The following SULF1 variants were observed in gnomAD, a reference collection of about 807,000 sequenced individuals.
SULF1 encodes the protein extracellular sulfatase Sulf-1.
In SULF1, 46 loss-of-function variants were observed where a neutral mutation model predicts 110.5. That is an observed-to-expected ratio of 0.42 (90% CI 0.33 to 0.53). The LOEUF (loss-of-function observed/expected upper bound fraction) is 0.53. Among genes scored for constraint, SULF1 ranks in the 20% least tolerant of loss-of-function variants. The probability of loss-of-function intolerance (pLI) is 0.12; values close to 1 mark genes in which losing one functional copy is unlikely to be tolerated. For synonymous variants in SULF1, 371 were observed against 387.1 expected (o/e 0.96, Z 0.49); for missense variants, 941 against 1,094.2 (o/e 0.86, Z 1.98).
chr8:69,578,528 C>G (rs1026276898), intron 6 of SULF1, among the ~76,000 whole-genome samples: 2 of 120,678 alleles, frequency 1.7e-5, no homozygotes, highest in Admixed American at 2.2e-4. Flanking sequence ...AACTGACTGA[C>G]GTTCCAATGG....
At chr8:69,535,791 G>A (rs1345113443) in intron 3 of SULF1, among the ~76,000 whole-genome samples, 1 of 152,116 alleles carries the variant, frequency 6.6e-6, no homozygotes, top group African/African-American at 2.4e-5. Context: ...CAGCACTTTG[G>A]GAAGCCGAGG....
At chr8:69,607,554 G>A (rs1403295969) in intron 13 of SULF1, among the ~76,000 whole-genome samples, 1 of 152,068 alleles carries the variant, frequency 6.6e-6, no homozygotes, top group Non-Finnish European at 1.5e-5. Flanking sequence ...TTTAGAGATG[G>A]GGTTTTGCCA....
At position 69,566,069 on chromosome 8, in the gene SULF1, C is replaced by T. The variant is rs73683978; in HGVS notation, c.172+1922C>T. ...AACTTTCCTTTGCACCCCGAGAACA[C>T]GACTCCAGCATGGTGCTCATTCCAC... On this transcript the variant is annotated intron_variant, in intron 5 of 22. Transcript: ENST00000402687. Among the ~76,000 whole-genome samples, 913 of 152,150 alleles carry T rather than the reference C, an allele frequency of 6.0e-3. 10 individuals are homozygous for T. The highest frequency in any genetic ancestry group is 0.02 in the African/African-American group (850 of 41,516).
chr8:69,568,369 A>G (rs532068458), intron 5 of SULF1, among the ~76,000 whole-genome samples: 87 of 152,350 alleles, frequency 5.7e-4, no homozygotes, highest in Middle Eastern at 3.4e-3. Flanking sequence ...GGAGGAAAGT[A>G]CTAGTTCATT....
chr8:69,477,014 G>A (rs149543565), intron 1 of SULF1, among the ~76,000 whole-genome samples: 38 of 152,282 alleles, frequency 2.5e-4, no homozygotes, highest in Admixed American at 5.9e-4. Flanking sequence ...TGAAACATGA[G>A]TTGATATTTC....
chr8:69,536,882 G>C (rs190533063), intron 3 of SULF1, among the ~76,000 whole-genome samples: 1 of 152,254 alleles, frequency 6.6e-6, no homozygotes, highest in Admixed American at 6.5e-5. Context: ...GGCCCTCCCA[G>C]GGAGGAAGGG....
At chr8:69,614,736 G>A (rs1321859219) in intron 13 of SULF1, among the ~76,000 whole-genome samples, 1 of 152,288 alleles carries the variant, frequency 6.6e-6, no homozygotes, top group Non-Finnish European at 1.5e-5. Flanking sequence ...TCAGGAATAT[G>A]AGACATGGCC....
chr8:69,503,892 T>A (rs563478471), intron 3 of SULF1, among the ~76,000 whole-genome samples: 1 of 151,956 alleles, frequency 6.6e-6, no homozygotes, highest in Non-Finnish European at 1.5e-5. Flanking sequence ...CTCCGACCCC[T>A]GAGTTCAAGC....
At chr8:69,607,720 G>T (rs1808329361) in intron 13 of SULF1, among the ~76,000 whole-genome samples, 1 of 152,042 alleles carries the variant, frequency 6.6e-6, no homozygotes, top group Non-Finnish European at 1.5e-5. Context: ...TTTCTTTCTG[G>T]CTACTTTGAA....
chr8:69,624,362 C>T (rs748256434), intron 15 of SULF1, among the ~76,000 whole-genome samples, 165 bp downstream of exon 15: 15 of 152,178 alleles, frequency 9.9e-5, no homozygotes, highest in Non-Finnish European at 1.5e-4. Flanking sequence ...AATGAGTCCA[C>T]GCAATCATAG....
At chr8:69,624,747 A>G (rs1809866054) in intron 15 of SULF1, among the ~76,000 whole-genome samples, 1 of 152,206 alleles carries the variant, frequency 6.6e-6, no homozygotes, top group Admixed American at 6.5e-5. Context: ...CCAGTCCCGG[A>G]TCACAGAGAG....
intron 3 of SULF1, among the ~76,000 whole-genome samples, chr8:69,508,998 T>C (rs1389184023): frequency 6.6e-6 from 1 of 152,220 alleles, no homozygotes; most frequent in Non-Finnish European, 1.5e-5. Flanking sequence ...AGATATCGGC[T>C]CTGGTTTTAG....
chr8:69,502,160 G>T (rs945252053), intron 3 of SULF1, among the ~76,000 whole-genome samples, 192 bp downstream of exon 3: 29 of 152,104 alleles, frequency 1.9e-4, no homozygotes, highest in African/African-American at 6.8e-4. Context: ...CCTTCCACGT[G>T]GTAGAGCCAT....
intron 3 of SULF1, among the ~76,000 whole-genome samples, chr8:69,516,716 A>G (rs2150601768): frequency 6.6e-6 from 1 of 152,346 alleles, no homozygotes; most frequent in African/African-American, 2.4e-5. Flanking sequence ...GTTGATACAG[A>G]TGTTTCTAAA....
intron 3 of SULF1, among the ~76,000 whole-genome samples, chr8:69,510,623 T>G (rs76743953): frequency 2.9e-4 from 36 of 124,766 alleles, no homozygotes; most frequent in African/African-American, 5.6e-4. Context: ...TTTTTTTGTT[T>G]TTTTTTTTTT....
intron 13 of SULF1, among the ~76,000 whole-genome samples, chr8:69,615,960 T>A (rs1809069946): frequency 6.6e-6 from 1 of 152,018 alleles, no homozygotes; most frequent in South Asian, 2.1e-4. Flanking sequence ...TTCACTATAG[T>A]CATGTGCTTT....
At chr8:69,470,795 G>A (rs909552043) in intron 1 of SULF1, among the ~76,000 whole-genome samples, 3 of 152,048 alleles carry the variant, frequency 2.0e-5, no homozygotes, top group Admixed American at 6.6e-5. Context: ...TATTTGGCCC[G>A]AACTTTCCAA....
In SULF1 at chr8:69,605,804, C is replaced by T. The variant is rs549459236; in HGVS notation, c.1377+872C>T. On this transcript the variant is annotated intron_variant, in intron 13 of 22. Coordinates refer to ENST00000402687, the MANE Select transcript of SULF1 (RefSeq NM_001128205.2). ...CATTTGTCTTACATCAGGCACAGTA[C>T]GCAGGATTTTGTAGCATTTACTCAA... Among the ~76,000 whole-genome samples the T allele has an allele frequency of 1.1e-4, 17 of 152,240 alleles. No homozygotes were observed. The South Asian group carries it at 2.5e-3, about 22-fold the overall frequency.
upstream of SULF1, among the ~76,000 whole-genome samples, chr8:69,492,212 G>A (rs1440934767): frequency 6.6e-6 from 1 of 151,796 alleles, no homozygotes; most frequent in African/African-American, 2.4e-5. Context: ...TTGTGGGAGC[G>A]GGGAGGGAAG....
Sources: allele counts gnomAD v4.1 joint callset (sites outside exome capture counted in the v4.1 genomes callset), GRCh38; gene constraint gnomAD v4.1.1; transcripts MANE v1.5; gene names NCBI Gene and HGNC (gene_info 2026-07-23, HGNC 2026-07-21).